HSD17B12: variants seen among roughly 807,000 people sequenced by gnomAD.
HSD17B12 encodes very-long-chain 3-oxoacyl-CoA reductase.
In HSD17B12, 32 loss-of-function variants were observed where a neutral mutation model predicts 39.3. That is an observed-to-expected ratio of 0.81 (90% confidence interval 0.61 to 1.09). The LOEUF (loss-of-function observed/expected upper bound fraction) is 1.09. Ranked by LOEUF, HSD17B12 falls within the 50% of genes least tolerant of loss-of-function variation. HSD17B12 has a pLI of 0.00. For synonymous variants in HSD17B12, 150 were observed against 146.7 expected, an observed-to-expected ratio of 1.02 and a Z score of -0.16; for missense variants, 342 against 382.9, an observed-to-expected ratio of 0.89 and a Z score of 0.89.
At chr11:43,619,445 A>C in the HSD17B12 span, among the ~76,000 whole-genome samples, 2 of 145,408 alleles carry the variant, frequency 1.4e-5, no homozygotes, top group South Asian at 4.3e-4. Context: ...GCTGGAGTGC[A>C]GTGGCGTGAT....
chr11:43,605,153 G>A, the HSD17B12 span, among the ~76,000 whole-genome samples: 1 of 152,300 alleles, frequency 6.6e-6, no homozygotes, highest in South Asian at 2.1e-4. Context: ...CTGGGGACTG[G>A]AAGGATAAAG....
the HSD17B12 span, among the ~76,000 whole-genome samples, chr11:43,635,899 G>T: frequency 3.9e-5 from 6 of 152,206 alleles, no homozygotes; most frequent in African/African-American, 1.2e-4. Context: ...ATCACAAAAT[G>T]TGTGTGTTTA....
chr11:43,804,536 T>C lies in HSD17B12; in HGVS notation c.391+6109T>C, dbSNP rs529607570. On this transcript the variant is annotated intron_variant, in intron 4 of 10. Transcript: ENST00000278353. ...TTCTCTTTTCTTCCTGTGCCCTTTA[T>C]AAGTGAACACTTGCTCCACTAATGT... 9.8e-5 allele frequency among the ~76,000 whole-genome samples: 15 copies of C among 152,368 alleles called. No homozygotes were observed. In the South Asian group the frequency reaches 3.1e-3, roughly 32 times the overall value.
At chr11:43,749,277 T>C (rs1421603990) in intron 1 of HSD17B12, among the ~76,000 whole-genome samples, 1 of 152,190 alleles carries the variant, frequency 6.6e-6, no homozygotes, top group African/African-American at 2.4e-5. Context: ...ACATGGTTAA[T>C]TGACATATTA....
chr11:43,847,031 T>C (rs115296533), intron 9 of HSD17B12, among the ~76,000 whole-genome samples: 4,114 of 152,258 alleles, frequency 0.027, 191 homozygotes, highest in African/African-American at 0.092. Context: ...TATAGAGTGA[T>C]ACGTTCTCGA....
the HSD17B12 span, among the ~76,000 whole-genome samples, chr11:43,613,671 A>T: frequency 6.9e-5 from 10 of 144,898 alleles, no homozygotes; most frequent in East Asian, 1.2e-3. Flanking sequence ...CCTTCCATGA[A>T]TTTTTTTTTT....
the HSD17B12 span, among the ~76,000 whole-genome samples, chr11:43,627,474 A>G: frequency 6.6e-6 from 1 of 151,908 alleles, no homozygotes; most frequent in Non-Finnish European, 1.5e-5. Flanking sequence ...TTAGCATGTA[A>G]TTTTAAATTA....
the HSD17B12 span, among the ~76,000 whole-genome samples, chr11:43,607,155 A>T: frequency 6.6e-6 from 1 of 152,204 alleles, no homozygotes; most frequent in Non-Finnish European, 1.5e-5. Context: ...AAATGTTCTA[A>T]GTAGGATATT....
intron 3 of HSD17B12, among the ~76,000 whole-genome samples, chr11:43,758,938 G>C (rs142333329): frequency 7.9e-5 from 12 of 152,300 alleles, no homozygotes; most frequent in African/African-American, 2.9e-4. Flanking sequence ...AATCAAACCA[G>C]TGCAAAAGTC....
chr11:43,792,237 T>A (rs1183867085), intron 3 of HSD17B12, among the ~76,000 whole-genome samples: 1 of 152,212 alleles, frequency 6.6e-6, no homozygotes. Context: ...ACTTTGTTTT[T>A]CTTTTCCCCT....
intron 7 of HSD17B12, among the ~76,000 whole-genome samples, chr11:43,835,636 CTT>C (rs1035993580): frequency 5.9e-5 from 9 of 152,232 alleles, no homozygotes; most frequent in African/African-American, 1.9e-4. Flanking sequence ...AAATGCTACT[CTT>C]TTATTTACTT....
At chr11:43,775,946 T>C (rs1950698945) in intron 3 of HSD17B12, among the ~76,000 whole-genome samples, 1 of 152,122 alleles carries the variant, frequency 6.6e-6, no homozygotes. Flanking sequence ...ACTCATCATT[T>C]TTTATGGCTG....
intron 1 of HSD17B12, chr11:43,723,990 T>G (rs1950198386): frequency 6.6e-6 from 1 of 152,152 alleles, no homozygotes; most frequent in Non-Finnish European, 1.5e-5. Flanking sequence ...AATTCATGTA[T>G]TAGATGCTTC....
At chr11:43,821,966 G>A (rs906553783) in intron 6 of HSD17B12, among the ~76,000 whole-genome samples, 1 of 152,154 alleles carries the variant, frequency 6.6e-6, no homozygotes, top group Admixed American at 6.5e-5. Flanking sequence ...TGAACTGCCT[G>A]TGGTGCCTAT....
chr11:43,618,404 G>T, the HSD17B12 span, among the ~76,000 whole-genome samples: 2 of 152,164 alleles, frequency 1.3e-5, no homozygotes, highest in Non-Finnish European at 2.9e-5. Flanking sequence ...ATTTTGGATG[G>T]TGCTTGACAA....
chr11:43,684,770 AG>A (rs1480927246), intron 1 of HSD17B12, among the ~76,000 whole-genome samples: 1 of 152,228 alleles, frequency 6.6e-6, no homozygotes, highest in Non-Finnish European at 1.5e-5. Context: ...TTATGTTCAC[AG>A]GGTTGTGCAA....
At chr11:43,816,441 CA>C in intron 6 of HSD17B12, 50 bp downstream of exon 6, 3 of 1,458,722 alleles carry the variant, frequency 2.1e-6, no homozygotes, top group Non-Finnish European at 2.8e-6. Flanking sequence ...TCCTTCTATT[CA>C]AAAACACTGA....
At chr11:43,679,082 C>T (rs1949717683), upstream of HSD17B12, among the ~76,000 whole-genome samples, 1 of 152,162 alleles carries the variant, frequency 6.6e-6, no homozygotes, top group Non-Finnish European at 1.5e-5. Flanking sequence ...GAACGTTCTT[C>T]CATTTGTTTG....
intron 9 of HSD17B12, among the ~76,000 whole-genome samples, chr11:43,851,644 A>T (rs1951531810): frequency 6.6e-6 from 1 of 152,214 alleles, no homozygotes; most frequent in Admixed American, 6.5e-5. Context: ...AAGAGACCCC[A>T]GTACTCTTCT....
Sources: allele counts gnomAD v4.1 joint callset (sites outside exome capture counted in the v4.1 genomes callset), GRCh38; gene constraint gnomAD v4.1.1; transcripts MANE v1.5; gene names NCBI Gene and HGNC (gene_info 2026-07-23, HGNC 2026-07-21).